TBC1D10A: variants seen among roughly 807,000 people sequenced by gnomAD.
TBC1D10A encodes TBC1 domain family member 10A, also known as EBP50-PDX interactor of 64 kDa.
A neutral mutation model predicts 52.9 loss-of-function variants in TBC1D10A; 24 were observed. The ratio of observed to expected loss-of-function variants is 0.45; its 90% CI spans 0.33 to 0.64. TBC1D10A has a LOEUF of 0.64. TBC1D10A is among the 30% of genes least tolerant of loss of function. The probability of loss-of-function intolerance (pLI) is 0.02; values close to 1 mark genes in which losing one functional copy is unlikely to be tolerated. For missense variants in TBC1D10A, 602 were observed against 687.9 expected, an observed-to-expected ratio of 0.88 and a Z score of 1.40; for synonymous variants, 278 against 282.9, an observed-to-expected ratio of 0.98 and a Z score of 0.17.
chr22:30,307,209 G>C (rs1930326413), intron 1 of TBC1D10A, among the ~76,000 whole-genome samples: 1 of 152,180 alleles, frequency 6.6e-6, no homozygotes, highest in Non-Finnish European at 1.5e-5. Flanking sequence ...GCTAGTGAGA[G>C]AGAAGCTGGC....
intron 2 of TBC1D10A, among the ~76,000 whole-genome samples, chr22:30,304,191 T>G (rs1473627332): frequency 1.3e-5 from 2 of 152,236 alleles, no homozygotes; most frequent in East Asian, 3.8e-4. Context: ...CGCTAGTTAC[T>G]GGCAGTATTG....
chr22:30,304,561 C>T lies in TBC1D10A; in HGVS notation c.279G>A (p.Trp93Ter), dbSNP rs1373421778. 1 of 1,614,090 alleles carries T rather than the reference C, an allele frequency of 6.2e-7. No individual in the cohort carries two copies. The highest frequency in any genetic ancestry group is 2.2e-5 in the East Asian group (1 of 44,880). ...TGTGCTTCTTGGCCATCCATTTGTC[C>T]CAGTTGTTGAGCATGTCCAGCCACT... ...ESKWLDMLNN[W>*]DKWMAKKHKK... The change falls in exon 2 of 9, where the codon TGG (tryptophan) becomes TGA (stop). Residue 93 changes from tryptophan to a stop codon, truncating the protein, a stop_gained. Transcript: ENST00000215790. LOFTEE classifies it high-confidence loss of function.
At position 30,313,540 on chromosome 22, in the gene TBC1D10A, C is replaced by T. The variant is rs575574863; in HGVS notation, c.210-8910G>A. Among the ~76,000 whole-genome samples, 21 of 148,032 alleles carry T rather than the reference C, an allele frequency of 1.4e-4. No individual in the cohort carries two copies. The East Asian group carries it at 2.4e-3, about 17-fold the overall frequency. On this transcript the variant is annotated intron_variant, in intron 1 of 8. Transcript: ENST00000215790. ...CTGGGACTACAGGTGTGCGCCACCA[C>T]GGCCAGCTAATTTTTTTTTTTTTTT... is the stretch of plus-strand genomic sequence containing the variant.
chr22:30,325,925 G>A (rs961150895), intron 1 of TBC1D10A, among the ~76,000 whole-genome samples: 1 of 152,142 alleles, frequency 6.6e-6, no homozygotes. Context: ...TAGTGGTGGG[G>A]CTCCCTGTCG....
At chr22:30,298,222 TTCCCAC>T (rs1930125158) in intron 3 of TBC1D10A, 1 of 152,160 alleles carries the variant, frequency 6.6e-6, no homozygotes, top group Non-Finnish European at 1.5e-5. Flanking sequence ...TGGACTGAGG[TTCCCAC>T]CCCTGAGCCT....
chr22:30,323,928 G>A (rs147339140), intron 1 of TBC1D10A, among the ~76,000 whole-genome samples: 1,942 of 152,092 alleles, frequency 0.013, 28 homozygotes, highest in African/African-American at 0.044. Flanking sequence ...TTGAGACTGC[G>A]CCACTGCACT....
chr22:30,299,340 C>A, intron 3 of TBC1D10A, 104 bp downstream of exon 3: 1 of 1,154,772 alleles, frequency 8.7e-7, no homozygotes, highest in South Asian at 1.4e-5. Context: ...GTTTCATGGA[C>A]TGCTCATCCT....
intron 1 of TBC1D10A, among the ~76,000 whole-genome samples, chr22:30,319,119 G>A (rs940506229): frequency 6.6e-6 from 1 of 152,116 alleles, no homozygotes; most frequent in Non-Finnish European, 1.5e-5. Flanking sequence ...CTTTTGGGAG[G>A]GACTTTGCAC....
chr22:30,313,155 T>C (rs1394959021), intron 1 of TBC1D10A, among the ~76,000 whole-genome samples: 1 of 152,094 alleles, frequency 6.6e-6, no homozygotes, highest in East Asian at 1.9e-4. Flanking sequence ...TGCTAGTTAA[T>C]AGGAGAGGGA....
intron 2 of TBC1D10A, among the ~76,000 whole-genome samples, chr22:30,300,048 T>TA (rs1283527410): frequency 1.3e-5 from 2 of 151,848 alleles, no homozygotes; most frequent in African/African-American, 4.8e-5. Flanking sequence ...CAATTAGATA[T>TA]GCTAACACCA....
rs1569159540 is a variant in TBC1D10A, at chr22:30,297,014, C to G, written c.418-1171G>C. 1 of 152,226 alleles carries G rather than the reference C, an allele frequency of 6.6e-6. No homozygotes were observed. The highest frequency in any genetic ancestry group is 1.5e-5 in the Non-Finnish European group (1 of 68,066). 9.4% of individuals were successfully genotyped at this position (152,226 alleles called of 1,614,324 possible). A position where few individuals can be genotyped will look rare whatever the true frequency, so the allele number is the denominator to read the frequency against. On this transcript the variant is annotated intron_variant, in intron 3 of 8. Coordinates refer to ENST00000215790, the MANE Select transcript of TBC1D10A (RefSeq NM_031937.3). This position sits in a 1 kb window ranked among gnomAD's most constrained non-coding sequence, Gnocchi z 4.3. ...GGAGGCCAGGTCCTCAGCAAACATA[C>G]CCAGTGGGCGCAGACACAGGCCCTG... is the stretch of plus-strand genomic sequence containing the variant.
intron 1 of TBC1D10A, among the ~76,000 whole-genome samples, chr22:30,312,099 T>G (rs770572951): frequency 1.3e-5 from 2 of 152,210 alleles, no homozygotes; most frequent in Non-Finnish European, 2.9e-5. Context: ...CGCCTGAGAC[T>G]ATTCTCAACA....
Position 30,292,854 on chromosome 22 carries a change from G to A in TBC1D10A, c.1051-3C>T, listed in dbSNP as rs749097462. 3.7e-6 allele frequency: 6 copies of A among 1,610,596 alleles called. No homozygotes were observed. In the East Asian group the frequency reaches 1.3e-4, roughly 36 times the overall value. On this transcript the variant is annotated splice_polypyrimidine_tract_variant and splice_region_variant and intron_variant, in intron 8 of 8. Transcript: ENST00000215790. The stretch of plus-strand genomic sequence containing the variant: ...TCTGTCACGGGCAACTCCACCACCT[G>A]CAGGGGCAGTGACACAGGCAAGTGG...
chr22:30,311,097 G>GCTGA (rs1394484049), intron 1 of TBC1D10A, among the ~76,000 whole-genome samples: 1 of 152,186 alleles, frequency 6.6e-6, no homozygotes, highest in Non-Finnish European at 1.5e-5. Flanking sequence ...CAAACAAAAG[G>GCTGA]CTGACCTGTT....
chr22:30,324,691 C>T (rs1399964213), intron 1 of TBC1D10A, among the ~76,000 whole-genome samples: 1 of 152,188 alleles, frequency 6.6e-6, no homozygotes, highest in Non-Finnish European at 1.5e-5. Flanking sequence ...TTCTGGGCCG[C>T]TACTTGTGAC....
At chr22:30,312,580 C>A (rs1290828196) in intron 1 of TBC1D10A, among the ~76,000 whole-genome samples, 2 of 152,136 alleles carry the variant, frequency 1.3e-5, no homozygotes, top group African/African-American at 4.8e-5. Context: ...ACAACAACAA[C>A]AAAAACAACA....
chr22:30,294,151 G>A, intron 6 of TBC1D10A, 41 bp from the exon 7 acceptor site: 1 of 1,600,314 alleles, frequency 6.2e-7, no homozygotes, highest in Non-Finnish European at 8.5e-7. Flanking sequence ...ACCGTGGGCT[G>A]CAGGAGCCAG....
intron 1 of TBC1D10A, among the ~76,000 whole-genome samples, chr22:30,318,507 G>C (rs1170674625): frequency 6.6e-6 from 1 of 152,180 alleles, no homozygotes; most frequent in Non-Finnish European, 1.5e-5. Context: ...GCACCTTGGG[G>C]AGCCCAGAGC....
At chr22:30,318,431 C>T (rs1186951887) in intron 1 of TBC1D10A, among the ~76,000 whole-genome samples, 2 of 152,218 alleles carry the variant, frequency 1.3e-5, no homozygotes, top group African/African-American at 4.8e-5. Flanking sequence ...GGTCAGCCAA[C>T]CCACTCTCCT....
Sources: allele counts gnomAD v4.1 joint callset (sites outside exome capture counted in the v4.1 genomes callset), GRCh38; gene constraint gnomAD v4.1.1; non-coding constraint Gnocchi (gnomAD v3.1); transcripts MANE v1.5; gene names NCBI Gene and HGNC (gene_info 2026-07-23, HGNC 2026-07-21).